DNAJC3: variants seen among roughly 807,000 people sequenced by gnomAD.
DNAJC3 encodes dnaJ homolog subfamily C member 3.
DNAJC3 carries 38 observed loss-of-function variants against 68.6 expected under a neutral mutation model. The observed-to-expected ratio is 0.55, with a 90% CI of 0.43 to 0.73. The LOEUF (loss-of-function observed/expected upper bound fraction) is 0.73. Among genes scored for constraint, DNAJC3 ranks in the 30% least tolerant of loss-of-function variants. The pLI, the probability that DNAJC3 is intolerant of heterozygous loss-of-function variation, is 0.00. For synonymous variants in DNAJC3, 203 were observed against 204.0 expected, an observed-to-expected ratio of 1.00 and a Z score of 0.04; for missense variants, 526 against 591.9, an observed-to-expected ratio of 0.89 and a Z score of 1.16.
chr13:95,792,649 T>TA lies in DNAJC3; in HGVS notation c.*1620dup, dbSNP rs1159870080. The TA allele has an allele frequency of 4.6e-5, 7 of 152,210 alleles. No individual in the cohort carries two copies. The highest frequency in any genetic ancestry group is 1.7e-4 in the African/African-American group (7 of 41,456). The allele number at this position is 152,210 out of a possible 1,614,324, so 9.4% of individuals were successfully genotyped here. ...CACTTAAGTGCTTTCTGCATCTATTTAGGAGTCTATTTCTTACCAATAAAC... is the reference window on the plus strand; with the variant it reads ...CACTTAAGTGCTTTCTGCATCTATTTAAGGAGTCTATTTCTTACCAATAAAC... On this transcript the variant is annotated 3_prime_UTR_variant, in exon 12 of 12. Transcript: ENST00000602402.
Position 95,763,874 on chromosome 13 carries a change from T to G in DNAJC3, c.996T>G (p.Val332=), listed in dbSNP as rs1305769394. ...PVEAIRVCSE[V]LQMEPDNVNA... Reference sequence around the variant, plus strand: ...AAGCTATTAGGGTTTGTTCTGAAGTTTTACAGATGGAACCTGACAATGTGA... The same window carrying G: ...AAGCTATTAGGGTTTGTTCTGAAGTGTTACAGATGGAACCTGACAATGTGA... Residue 332 remains valine, a synonymous_variant, in exon 9 of 12, where the codon GTT becomes GTG. Transcript: ENST00000602402. 6.2e-7 allele frequency: 1 copy of G among 1,613,960 alleles called. No individual in the cohort carries two copies. Among genetic ancestry groups the G allele is most frequent in the Non-Finnish European group, 8.5e-7 (1 of 1,179,970 alleles).
At chr13:95,720,664 A>G (rs565618500) in intron 2 of DNAJC3, among the ~76,000 whole-genome samples, 1 of 152,174 alleles carries the variant, frequency 6.6e-6, no homozygotes, top group African/African-American at 2.4e-5. Flanking sequence ...TCCTCAAGTT[A>G]ATTACAGTAT....
chr13:95,763,651 A>G lies in DNAJC3; in HGVS notation c.857A>G (p.Asp286Gly), dbSNP rs1486870130. ...EELIRDGRYT[D>G]ATSKYESVMK... ...ATTTGCTCATTTCTTAGATACACAG[A>G]TGCTACCAGCAAATATGAATCTGTC... Residue 286 changes from aspartate to glycine, a missense_variant, in exon 8 of 12, where the codon GAT becomes GGT. Coordinates refer to ENST00000602402, the MANE Select transcript of DNAJC3 (RefSeq NM_006260.5). 9 of 1,613,502 alleles carry G rather than the reference A, an allele frequency of 5.6e-6. No individual in the cohort carries two copies. The highest frequency in any genetic ancestry group is 7.6e-6 in the Non-Finnish European group (9 of 1,179,682).
intron 1 of DNAJC3, among the ~76,000 whole-genome samples, chr13:95,683,770 CA>C (rs373468364): frequency 0.019 from 2,627 of 136,048 alleles, 75 homozygotes; most frequent in African/African-American, 0.064. Context: ...ACTAAAAATA[CA>C]AAAAAAAAAA....
rs1253559328 is a variant in DNAJC3 at position 95,791,770 on chromosome 13, T to A, written c.*740T>A. On this transcript the variant is annotated 3_prime_UTR_variant, in exon 12 of 12. Transcript: ENST00000602402. ...AATATTAAACACAACAAATTAAAAG[T>A]TGTTATAGGTAAAATAAGTTCAGAT... The A allele has an allele frequency of 6.6e-6, 1 of 152,206 alleles. No individual in the cohort carries two copies. Among genetic ancestry groups the A allele is most frequent in the African/African-American group, 2.4e-5 (1 of 41,444 alleles). 9.4% of individuals were successfully genotyped at this position (152,206 alleles called of 1,614,324 possible).
Position 95,791,034 on chromosome 13 carries a change from A to T in DNAJC3, c.*4A>T, listed in dbSNP as rs1883755060. The T allele has an allele frequency of 6.2e-7, 1 of 1,613,226 alleles. No homozygotes were observed. The highest frequency in any genetic ancestry group is 1.3e-5 in the African/African-American group (1 of 74,834). ...ATTTAAATTCCACTTCAATTAAACC[A>T]ACTGTTTTTCTGCTCTTCTTAATTT... On this transcript the variant is annotated 3_prime_UTR_variant, in exon 12 of 12. Coordinates refer to ENST00000602402, the MANE Select transcript of DNAJC3 (RefSeq NM_006260.5).
chr13:95,709,209 TTTTAA>T lies in DNAJC3; in HGVS notation c.83-14_83-10del. 6.7e-7 allele frequency: 1 copy of T among 1,496,864 alleles called. No individual in the cohort carries two copies. Among genetic ancestry groups the T allele is most frequent in the Non-Finnish European group, 9.0e-7 (1 of 1,117,192 alleles). The allele number at this position is 1,496,864 out of a possible 1,614,324, so 92.7% of individuals were successfully genotyped here. ...AGTTCGTGGAAAGTTAACTGATTGT[TTTTAA>T]TTTTATTTTTAGGTGCTGAATGTGG... On this transcript the variant is annotated splice_polypyrimidine_tract_variant and intron_variant, in intron 1 of 11. Coordinates refer to ENST00000602402, the MANE Select transcript of DNAJC3 (RefSeq NM_006260.5).
chr13:95,773,155 T>G (rs1388289426), intron 9 of DNAJC3, among the ~76,000 whole-genome samples: 9 of 146,212 alleles, frequency 6.2e-5, no homozygotes, highest in African/African-American at 8.1e-5. Context: ...AAATTTAGTT[T>G]TTTTTTTTTT....
At chr13:95,751,141 A>G (rs1882467314) in intron 4 of DNAJC3, among the ~76,000 whole-genome samples, 1 of 152,182 alleles carries the variant, frequency 6.6e-6, no homozygotes, top group African/African-American at 2.4e-5. Flanking sequence ...AGGTGGAGGC[A>G]GGAGGATCAC....
At chr13:95,764,754 TATATAC>T (rs1383754424) in intron 9 of DNAJC3, among the ~76,000 whole-genome samples, 2 of 139,792 alleles carry the variant, frequency 1.4e-5, no homozygotes, top group East Asian at 4.3e-4. Context: ...TACATGTATA[TATATAC>T]ATATATATAT....
chr13:95,739,604 A>T (rs891768114), intron 4 of DNAJC3, among the ~76,000 whole-genome samples: 2 of 151,962 alleles, frequency 1.3e-5, no homozygotes, highest in African/African-American at 4.8e-5. Context: ...CCTTTCTTCC[A>T]GTTGATCGTA....
chr13:95,776,539 T>C (rs529520188), intron 9 of DNAJC3, among the ~76,000 whole-genome samples: 2 of 152,364 alleles, frequency 1.3e-5, no homozygotes, highest in South Asian at 2.1e-4. Context: ...TTGATCGATA[T>C]GACAGATGTT....
chr13:95,757,528 CTT>C, intron 4 of DNAJC3, 114 bp from the exon 5 acceptor site: 1 of 1,116,030 alleles, frequency 9.0e-7, no homozygotes, highest in Non-Finnish European at 1.2e-6. Context: ...TCCAGTATCT[CTT>C]TACCCTTTTT....
rs565751983 is a variant in DNAJC3 at position 95,680,923 on chromosome 13, TA to T, written c.82+3593del. 2.2e-3 allele frequency among the ~76,000 whole-genome samples: 336 copies of T among 152,302 alleles called. 5 individuals carry two copies. The highest frequency in any genetic ancestry group is 0.01 in the Middle Eastern group (3 of 294). On this transcript the variant is annotated intron_variant, in intron 1 of 11. Coordinates refer to ENST00000602402, the MANE Select transcript of DNAJC3 (RefSeq NM_006260.5). ...CTTTCCATATCTTTAGAAAGCTACT[TA>T]AAAAAATTAAATCTGATGAGTTTGT...
chr13:95,736,519 C>G (rs1881926644), intron 4 of DNAJC3, among the ~76,000 whole-genome samples: 1 of 146,630 alleles, frequency 6.8e-6, no homozygotes, highest in African/African-American at 2.5e-5. Flanking sequence ...TTGTAGTTCT[C>G]CTTGAAGAGG....
chr13:95,686,963 A>G (rs1186233985), intron 1 of DNAJC3, among the ~76,000 whole-genome samples: 5 of 152,268 alleles, frequency 3.3e-5, no homozygotes, highest in South Asian at 4.1e-4. Flanking sequence ...ACAGATTACT[A>G]TGGGCAGTAT....
Position 95,738,421 on chromosome 13 carries a change from G to A in DNAJC3, c.393+13169G>A, listed in dbSNP as rs1268576766. Among the ~76,000 whole-genome samples, 4 of 149,196 alleles carry A rather than the reference G, an allele frequency of 2.7e-5. No individual in the cohort carries two copies. In the East Asian group the frequency reaches 7.9e-4, roughly 29 times the overall value. On this transcript the variant is annotated intron_variant, in intron 4 of 11. Coordinates refer to ENST00000602402, the MANE Select transcript of DNAJC3 (RefSeq NM_006260.5). ...TTGATCTGTCTAATGTTGACAGTGG[G>A]GTGTTAAAGTCTCCCATTATTAATG...
intron 1 of DNAJC3, among the ~76,000 whole-genome samples, chr13:95,704,851 G>GTGTTTTTTTT (rs1555323371): frequency 1.0e-5 from 1 of 97,860 alleles, no homozygotes. Flanking sequence ...GTGTGTGTGT[G>GTGTTTTTTTT]TTTTTTTTTT....
chr13:95,763,239 T>C (rs977458270), intron 7 of DNAJC3, among the ~76,000 whole-genome samples: 4 of 152,214 alleles, frequency 2.6e-5, no homozygotes, highest in Non-Finnish European at 5.9e-5. Flanking sequence ...GGTTCCATTA[T>C]TTTCATGGAA....
Sources: allele counts gnomAD v4.1 joint callset (sites outside exome capture counted in the v4.1 genomes callset), GRCh38; gene constraint gnomAD v4.1.1; transcripts MANE v1.5; gene names NCBI Gene and HGNC (gene_info 2026-07-23, HGNC 2026-07-21).